The following ROBO2 variants were observed in gnomAD, a reference collection of about 807,000 sequenced individuals.
ROBO2 encodes the protein roundabout homolog 2.
ROBO2 carries 53 observed loss-of-function variants against 160.8 expected under a neutral mutation model. The observed-to-expected ratio is 0.33, with a 90% CI of 0.26 to 0.41. The LOEUF (loss-of-function observed/expected upper bound fraction) is 0.41, where lower values mean the gene tolerates loss of function less well. ROBO2 is among the 10% of genes least tolerant of loss of function. ROBO2 has a pLI of 1.00. For synonymous variants in ROBO2, 664 were observed against 611.7 expected (o/e 1.09, Z -1.26); for missense variants, 1,577 against 1,722.4 (o/e 0.92, Z 1.49).
chr3:77,613,671 A>G (rs191323091), intron 21 of ROBO2, among the ~76,000 whole-genome samples: 1,545 of 152,258 alleles, frequency 0.01, 15 homozygotes, highest in Middle Eastern at 0.044. Flanking sequence ...TCAAATCAAT[A>G]CATACGCGTA....
intron 2 of ROBO2, among the ~76,000 whole-genome samples, chr3:76,003,225 T>A (rs2065936606): frequency 6.6e-6 from 1 of 152,134 alleles, no homozygotes; most frequent in Non-Finnish European, 1.5e-5. Context: ...CAGCTCCCCA[T>A]ACTCTGCTAA....
chr3:76,497,838 A>G (rs185478522), intron 2 of ROBO2, among the ~76,000 whole-genome samples: 316 of 151,636 alleles, frequency 2.1e-3, no homozygotes, highest in African/African-American at 7.4e-3. Flanking sequence ...CAGCATTCCC[A>G]GCATTCCCAG....
chr3:77,481,462 A>G (rs2084682361), intron 4 of ROBO2, among the ~76,000 whole-genome samples: 1 of 152,182 alleles, frequency 6.6e-6, no homozygotes, highest in South Asian at 2.1e-4. Context: ...GCAGTTCATC[A>G]AAATGTAACG....
intron 2 of ROBO2, among the ~76,000 whole-genome samples, chr3:76,819,485 G>A (rs948116751): frequency 5.3e-5 from 8 of 151,956 alleles, no homozygotes; most frequent in Admixed American, 2.0e-4. Flanking sequence ...AAGGGGAATC[G>A]GAGGCTCTGG....
intron 2 of ROBO2, among the ~76,000 whole-genome samples, chr3:75,938,615 G>A (rs1017948272): frequency 6.6e-6 from 1 of 152,046 alleles, no homozygotes; most frequent in Non-Finnish European, 1.5e-5. Flanking sequence ...TGATGAAGTT[G>A]AGCTTTGCTA....
chr3:77,137,414 C>T (rs1024034991), intron 2 of ROBO2, among the ~76,000 whole-genome samples: 2 of 151,996 alleles, frequency 1.3e-5, no homozygotes, highest in Non-Finnish European at 1.5e-5. Flanking sequence ...CTAGTAGAGA[C>T]GGGGTGTCTC....
At chr3:76,048,979 G>A (rs1000842161) in intron 2 of ROBO2, among the ~76,000 whole-genome samples, 9 of 151,990 alleles carry the variant, frequency 5.9e-5, no homozygotes, top group African/African-American at 1.9e-4. Context: ...AGCATGCAAC[G>A]CTAAACAACA....
rs183339420 is a variant in ROBO2, at chr3:76,219,605, T to C, written c.109+282003T>C. Among the ~76,000 whole-genome samples the C allele has an allele frequency of 9.2e-4, 140 of 152,238 alleles. 3 individuals are homozygous for C. The highest frequency in any genetic ancestry group is 8.1e-3 in the Admixed American group (124 of 15,290). On this transcript the variant is annotated intron_variant, in intron 2 of 26. Transcript: ENST00000487694. Reference sequence around the variant, plus strand: ...TCATCTTCACTGGCCATCAGAGACATGCAAATCAAAACCACAGTGAGATAC... The same window carrying C: ...TCATCTTCACTGGCCATCAGAGACACGCAAATCAAAACCACAGTGAGATAC...
At chr3:77,584,645 G>T (rs2093996979) in intron 16 of ROBO2, among the ~76,000 whole-genome samples, 1 of 151,856 alleles carries the variant, frequency 6.6e-6, no homozygotes, top group Admixed American at 6.6e-5. Flanking sequence ...GCATTGTAGA[G>T]AAAAAGTTAC....
chr3:76,312,832 T>C (rs2071694408), intron 2 of ROBO2, among the ~76,000 whole-genome samples: 1 of 152,208 alleles, frequency 6.6e-6, no homozygotes, highest in South Asian at 2.1e-4. Flanking sequence ...GTGAGAAAGA[T>C]TGCTGCAAGA....
At chr3:76,801,404 C>T (rs2064186515) in intron 2 of ROBO2, among the ~76,000 whole-genome samples, 2 of 152,100 alleles carry the variant, frequency 1.3e-5, no homozygotes, top group Non-Finnish European at 2.9e-5. Flanking sequence ...TTTAGAATAA[C>T]TGAGGGAGTA....
In ROBO2 at chr3:77,524,335, G is replaced by C. The variant is rs569618770; in HGVS notation, c.934+1433G>C. Among the ~76,000 whole-genome samples the C allele has an allele frequency of 3.1e-3, 461 of 151,096 alleles. 6 individuals carry two copies. The highest frequency in any genetic ancestry group is 0.011 in the African/African-American group (438 of 41,322). The stretch of plus-strand genomic sequence containing the variant: ...GATGAAAATCTGATAACCTTTGTAA[G>C]CCAATGAACACACTTTATTTAACCC... On this transcript the variant is annotated intron_variant, in intron 6 of 25. Transcript: ENST00000461745.
At chr3:76,460,361 A>T (rs1049517267) in intron 2 of ROBO2, among the ~76,000 whole-genome samples, 3 of 152,208 alleles carry the variant, frequency 2.0e-5, no homozygotes, top group Admixed American at 1.3e-4. Context: ...CAGGAAACCT[A>T]TAAGTGTGCA....
At chr3:77,562,763 G>T (rs2153662183) in intron 10 of ROBO2, 31 bp downstream of exon 11, 1 of 1,505,330 alleles carries the variant, frequency 6.6e-7, no homozygotes, top group East Asian at 2.3e-5. Flanking sequence ...GAGAAATCTT[G>T]GGCCCCTTTT....
chr3:76,084,042 A>G (rs1365623763), intron 2 of ROBO2, among the ~76,000 whole-genome samples: 3 of 152,136 alleles, frequency 2.0e-5, no homozygotes, highest in African/African-American at 7.2e-5. Context: ...AAAAAAATCC[A>G]TGCAGAACCA....
At chr3:76,163,330 A>G (rs2072708007) in intron 2 of ROBO2, among the ~76,000 whole-genome samples, 1 of 151,774 alleles carries the variant, frequency 6.6e-6, no homozygotes. Flanking sequence ...TAACTTATTT[A>G]TATAATGGAG....
At chr3:76,493,742 C>T (rs1034380298) in intron 2 of ROBO2, among the ~76,000 whole-genome samples, 1 of 152,038 alleles carries the variant, frequency 6.6e-6, no homozygotes, top group African/African-American at 2.4e-5. Flanking sequence ...GTCCCTGACC[C>T]CTTTGCTAAG....
chr3:77,601,234 C>A (rs1040476853), intron 19 of ROBO2, among the ~76,000 whole-genome samples: 24 of 151,984 alleles, frequency 1.6e-4, no homozygotes, highest in African/African-American at 5.6e-4. Flanking sequence ...ATTTGATGGC[C>A]TCAAGTCCCA....
chr3:76,399,071 A>G lies in ROBO2; in HGVS notation c.109+461469A>G, dbSNP rs558143593. ...GCATGTAGTATATACAATAATATTC[A>G]GTCCATATTAGGCACGCAAGCATAA... On this transcript the variant is annotated intron_variant, in intron 2 of 26. Transcript: ENST00000487694. 3.3e-5 allele frequency among the ~76,000 whole-genome samples: 5 copies of G among 151,984 alleles called. 1 individual carries two copies. The highest frequency in any genetic ancestry group is 2.1e-4 in the South Asian group (1 of 4,832).
Sources: allele counts gnomAD v4.1 joint callset (sites outside exome capture counted in the v4.1 genomes callset), GRCh38; gene constraint gnomAD v4.1.1; transcripts MANE v1.5; gene names NCBI Gene and HGNC (gene_info 2026-07-23, HGNC 2026-07-21).